Variants in THSD7A observed in about 807,000 individuals in gnomAD.
THSD7A encodes the protein thrombospondin type-1 domain-containing protein 7A.
A neutral mutation model predicts 231.3 loss-of-function variants in THSD7A; 96 were observed. The observed-to-expected ratio is 0.41, with a 90% CI of 0.35 to 0.49. The LOEUF (loss-of-function observed/expected upper bound fraction) is 0.49. THSD7A is among the 20% of genes least tolerant of loss of function. THSD7A has a pLI of 0.05. For missense variants in THSD7A, 2,290 were observed against 2,070.2 expected (o/e 1.11, Z -2.06); for synonymous variants, 940 against 743.3 (o/e 1.26, Z -4.30).
At chr7:11,414,551 C>A (rs1342874666) in intron 17 of THSD7A, among the ~76,000 whole-genome samples, 1 of 152,220 alleles carries the variant, frequency 6.6e-6, no homozygotes, top group Non-Finnish European at 1.5e-5. Context: ...GATGGCCACC[C>A]TGCAGGCTGC....
intron 5 of THSD7A, among the ~76,000 whole-genome samples, chr7:11,542,058 A>G (rs1789174481): frequency 6.6e-6 from 1 of 152,234 alleles, no homozygotes; most frequent in Admixed American, 6.5e-5. Context: ...AAGTGCTATT[A>G]TTCTTAAATC....
At chr7:11,450,965 A>G (rs1322980426) in intron 11 of THSD7A, among the ~76,000 whole-genome samples, 2 of 152,012 alleles carry the variant, frequency 1.3e-5, no homozygotes, top group South Asian at 2.1e-4. Context: ...TACTTCATTT[A>G]TTTATTGTAT....
intron 13 of THSD7A, among the ~76,000 whole-genome samples, chr7:11,439,421 T>C (rs1037786965): frequency 6.6e-6 from 1 of 152,054 alleles, no homozygotes; most frequent in Non-Finnish European, 1.5e-5. Flanking sequence ...TTTTGGTAAT[T>C]CTTGCAATAT....
intron 1 of THSD7A, among the ~76,000 whole-genome samples, chr7:11,676,606 G>C (rs973774229): frequency 6.6e-6 from 1 of 152,078 alleles, no homozygotes; most frequent in East Asian, 1.9e-4. Flanking sequence ...CATAGCACGA[G>C]AACTTCATGG....
At chr7:11,624,730 T>C (rs964395405) in intron 2 of THSD7A, among the ~76,000 whole-genome samples, 7 of 152,158 alleles carry the variant, frequency 4.6e-5, no homozygotes, top group African/African-American at 1.7e-4. Flanking sequence ...CCATAAAAGA[T>C]ACAAAATCTC....
intron 2 of THSD7A, among the ~76,000 whole-genome samples, chr7:11,599,026 A>G (rs969309260): frequency 3.9e-5 from 6 of 152,228 alleles, no homozygotes; most frequent in Admixed American, 3.9e-4. Flanking sequence ...TTACTACTCC[A>G]TAACAGAGGT....
intron 1 of THSD7A, among the ~76,000 whole-genome samples, chr7:11,687,011 G>A (rs1414175323): frequency 3.3e-5 from 5 of 151,596 alleles, no homozygotes; most frequent in Admixed American, 1.3e-4. Context: ...ACCTCTCAAT[G>A]AATAAAAAAA....
rs748868450 is a variant in THSD7A at position 11,521,495 on chromosome 7, TA to T, written c.1822+19923del. On this transcript the variant is annotated intron_variant, in intron 6 of 27. Transcript: ENST00000423059. ...TTTTTATTTTATTTATTTATTTATT[TA>T]TTTTTTTATTATACTCTAAGTTTTA... Among the ~76,000 whole-genome samples the T allele has an allele frequency of 2.8e-3, 387 of 139,630 alleles. 38 individuals are homozygous for T. The highest frequency in any genetic ancestry group is 5.1e-3 in the East Asian group (25 of 4,934). The allele number at this position is 139,630 out of a possible 152,430, so 91.6% of individuals were successfully genotyped here.
intron 2 of THSD7A, among the ~76,000 whole-genome samples, chr7:11,594,607 G>A (rs995737932): frequency 6.6e-6 from 1 of 152,076 alleles, no homozygotes; most frequent in African/African-American, 2.4e-5. Flanking sequence ...GACCATATAT[G>A]GAGAACCAAG....
chr7:11,398,539 A>G (rs2115349619), intron 23 of THSD7A, among the ~76,000 whole-genome samples: 1 of 152,310 alleles, frequency 6.6e-6, no homozygotes, highest in Non-Finnish European at 1.5e-5. Flanking sequence ...AACTTAAAGT[A>G]TAATTAAAAA....
At chr7:11,662,561 G>A (rs1398177581) in intron 1 of THSD7A, among the ~76,000 whole-genome samples, 2 of 151,164 alleles carry the variant, frequency 1.3e-5, no homozygotes, top group East Asian at 1.9e-4. Context: ...AACATAATTG[G>A]CATACACACA....
At chr7:11,817,180 C>T (rs6460848) in intron 1 of THSD7A, among the ~76,000 whole-genome samples, 99,881 of 152,050 alleles carry the variant, frequency 0.66, 33,066 homozygotes, top group Admixed American at 0.75. Flanking sequence ...TAATGCATTT[C>T]AGGAGAGGAG....
At chr7:11,581,412 A>G (rs1245004812) in intron 4 of THSD7A, among the ~76,000 whole-genome samples, 2 of 152,130 alleles carry the variant, frequency 1.3e-5, no homozygotes, top group South Asian at 4.1e-4. Flanking sequence ...ACTTTGTACC[A>G]GACACCAATA....
chr7:11,495,018 T>A (rs1028176395), intron 6 of THSD7A, among the ~76,000 whole-genome samples: 1 of 152,060 alleles, frequency 6.6e-6, no homozygotes, highest in Admixed American at 6.6e-5. Flanking sequence ...ATGTTTAATA[T>A]CTTTGGGGGT....
chr7:11,629,008 G>C (rs953160597), intron 2 of THSD7A, among the ~76,000 whole-genome samples: 9 of 152,170 alleles, frequency 5.9e-5, no homozygotes, highest in Admixed American at 2.0e-4. Context: ...CAAGGGAAAG[G>C]ATTTTACTAG....
chr7:11,820,351 T>A (rs1251869282), intron 1 of THSD7A: 2 of 1,074,156 alleles, frequency 1.9e-6, no homozygotes, highest in East Asian at 5.7e-5. Context: ...GTCCTTCTCT[T>A]CTCTGTTCTC....
chr7:11,455,204 C>A (rs563823115), intron 11 of THSD7A, among the ~76,000 whole-genome samples: 1 of 151,972 alleles, frequency 6.6e-6, no homozygotes, highest in Admixed American at 6.6e-5. Context: ...AATAGGTCTT[C>A]GTCAAGAACC....
intron 1 of THSD7A, among the ~76,000 whole-genome samples, chr7:11,788,741 T>C (rs183905168): frequency 8.9e-4 from 135 of 152,138 alleles, no homozygotes; most frequent in African/African-American, 3.0e-3. Context: ...CTTGGGTTTT[T>C]AAATCTGTGA....
intron 13 of THSD7A, among the ~76,000 whole-genome samples, chr7:11,434,500 A>C (rs577088157): frequency 6.6e-6 from 1 of 152,228 alleles, no homozygotes; most frequent in South Asian, 2.1e-4. Context: ...CACAATTACT[A>C]AATTGTGCTG....
Sources: allele counts gnomAD v4.1 joint callset (sites outside exome capture counted in the v4.1 genomes callset), GRCh38; gene constraint gnomAD v4.1.1; transcripts MANE v1.5; gene names NCBI Gene and HGNC (gene_info 2026-07-23, HGNC 2026-07-21).